Variants in GREM2 observed in about 807,000 individuals in gnomAD.
The protein encoded by GREM2 is gremlin-2.
GREM2 carries 11 observed loss-of-function variants against 14.2 expected under a neutral mutation model. That is an observed-to-expected ratio of 0.78 (90% CI 0.49 to 1.28). The LOEUF (loss-of-function observed/expected upper bound fraction) is 1.28. Ranked by LOEUF, GREM2 falls within the 50% of genes most tolerant of loss-of-function variation. The probability of loss-of-function intolerance (pLI) is 0.00; values close to 1 mark genes in which losing one functional copy is unlikely to be tolerated. For synonymous variants in GREM2, 98 were observed against 97.6 expected, an observed-to-expected ratio of 1.00 and a Z score of -0.02; for missense variants, 210 against 218.5, an observed-to-expected ratio of 0.96 and a Z score of 0.24.
intron 1 of GREM2, among the ~76,000 whole-genome samples, chr1:240,513,489 C>T (rs745937753): frequency 3.3e-5 from 5 of 150,358 alleles, no homozygotes; most frequent in Admixed American, 2.0e-4. Context: ...GCAAGAGAAT[C>T]GCTTTAACCT....
intron 1 of GREM2, among the ~76,000 whole-genome samples, chr1:240,538,539 C>CA (rs199860876): frequency 1.7e-3 from 245 of 145,606 alleles, no homozygotes; most frequent in South Asian, 3.5e-3. Flanking sequence ...TTTGTCTCTC[C>CA]AAAAAAAAAT....
chr1:240,602,235 T>C (rs1679938174), intron 1 of GREM2, among the ~76,000 whole-genome samples: 1 of 152,208 alleles, frequency 6.6e-6, no homozygotes, highest in Non-Finnish European at 1.5e-5. Flanking sequence ...GTTGCTTGTC[T>C]TATCATTAAC....
intron 1 of GREM2, among the ~76,000 whole-genome samples, chr1:240,498,361 T>C (rs113295461): frequency 1.3e-3 from 194 of 152,288 alleles, no homozygotes; most frequent in African/African-American, 4.6e-3. Context: ...ATCTCATTTC[T>C]TTTCTCCTTC....
intron 1 of GREM2, among the ~76,000 whole-genome samples, chr1:240,568,632 G>A (rs1022725451): frequency 6.6e-6 from 1 of 152,068 alleles, no homozygotes; most frequent in Non-Finnish European, 1.5e-5. Context: ...ATGAAAAACA[G>A]TATACCATGC....
chr1:240,586,403 A>G (rs975501309), intron 1 of GREM2, among the ~76,000 whole-genome samples: 1 of 152,204 alleles, frequency 6.6e-6, no homozygotes, highest in Admixed American at 6.5e-5. Flanking sequence ...GAACAAATAG[A>G]TCTTTAGAGA....
intron 1 of GREM2, among the ~76,000 whole-genome samples, chr1:240,514,916 G>A (rs1244043170): frequency 1.3e-5 from 2 of 152,024 alleles, no homozygotes; most frequent in Admixed American, 1.3e-4. Flanking sequence ...ACTCCAGCCT[G>A]GGCTACAGAG....
intron 1 of GREM2, among the ~76,000 whole-genome samples, chr1:240,550,861 A>G (rs1259708497): frequency 6.6e-6 from 1 of 152,236 alleles, no homozygotes; most frequent in Non-Finnish European, 1.5e-5. Context: ...GGACATTGTC[A>G]AACATCCTCA....
rs1300387910 is a variant in GREM2 at position 240,519,306 on chromosome 1, T to C, written c.-1-25830A>G. ...TCCTTGCTAATGTCACTGTTTGAAT[T>C]GATTCTACTATCACAACTTTCTCCT... On this transcript the variant is annotated intron_variant, in intron 1 of 1. Coordinates refer to ENST00000318160, the MANE Select transcript of GREM2 (RefSeq NM_022469.4). Among the ~76,000 whole-genome samples, 3 of 152,300 alleles carry C rather than the reference T, an allele frequency of 2.0e-5. No homozygotes were observed. In the East Asian group the frequency reaches 5.8e-4, roughly 29 times the overall value.
intron 1 of GREM2, among the ~76,000 whole-genome samples, chr1:240,603,097 T>C (rs958090035): frequency 2.0e-5 from 3 of 151,730 alleles, no homozygotes; most frequent in African/African-American, 4.8e-5. Context: ...AAAAATAAAA[T>C]AGAGAGAATT....
At position 240,492,433 on chromosome 1, in the gene GREM2, C is replaced by T. The variant is rs1677276784; in HGVS notation, c.*536G>A. ...TCCACCGACATATTTATGGAGGTTG[C>T]ACATATCCTCATCACAGCAGCGACC... On this transcript the variant is annotated 3_prime_UTR_variant, in exon 2 of 2. Coordinates refer to ENST00000318160, the MANE Select transcript of GREM2 (RefSeq NM_022469.4). 4.1e-6 allele frequency: 1 copy of T among 243,088 alleles called. No individual in the cohort carries two copies. The highest frequency in any genetic ancestry group is 8.7e-6 in the Non-Finnish European group (1 of 114,568). 15.1% of individuals were successfully genotyped at this position (243,088 alleles called of 1,614,324 possible). A position where few individuals can be genotyped will look rare whatever the true frequency, so the allele number is the denominator to read the frequency against.
chr1:240,551,952 T>G (rs188050619), intron 1 of GREM2, among the ~76,000 whole-genome samples: 1 of 152,134 alleles, frequency 6.6e-6, no homozygotes, highest in East Asian at 1.9e-4. Context: ...AATAAGAGGG[T>G]GTATCTAAGA....
chr1:240,606,472 C>T (rs1000035313), intron 1 of GREM2, among the ~76,000 whole-genome samples: 2 of 152,120 alleles, frequency 1.3e-5, no homozygotes, highest in Admixed American at 6.5e-5. Flanking sequence ...TTATAATACC[C>T]AACAAACACC....
chr1:240,514,108 G>A (rs534380174), intron 1 of GREM2, among the ~76,000 whole-genome samples: 65 of 152,086 alleles, frequency 4.3e-4, no homozygotes, highest in Non-Finnish European at 7.9e-4. Flanking sequence ...TTAGCCAGGC[G>A]TGGTGGCATG....
rs77426507 is a variant in GREM2, at chr1:240,529,238, G to C, written c.-1-35762C>G. 1.1e-3 allele frequency among the ~76,000 whole-genome samples: 98 copies of C among 85,946 alleles called. No individual in the cohort carries two copies. In the East Asian group the frequency reaches 0.033, roughly 29 times the overall value. The allele number at this position is 85,946 out of a possible 152,430, so 56.4% of individuals were successfully genotyped here. ...TTGACTCATTTGAACCAGTGGATAG[G>C]CTTTTTTTTTTTTTTTTTTAGCTGC... On this transcript the variant is annotated intron_variant, in intron 1 of 1. Transcript: ENST00000318160.
At chr1:240,594,741 C>T (rs917484746) in intron 1 of GREM2, among the ~76,000 whole-genome samples, 3 of 151,688 alleles carry the variant, frequency 2.0e-5, no homozygotes, top group African/African-American at 7.3e-5. Context: ...TATATATATT[C>T]AGTCATGTGT....
At chr1:240,512,062 AT>A (rs1471246801) in intron 1 of GREM2, among the ~76,000 whole-genome samples, 2 of 152,200 alleles carry the variant, frequency 1.3e-5, no homozygotes, top group Non-Finnish European at 2.9e-5. Flanking sequence ...AACCATTTTA[AT>A]TGTAATTTTT....
chr1:240,586,244 T>C (rs1385969324), intron 1 of GREM2, among the ~76,000 whole-genome samples: 1 of 152,178 alleles, frequency 6.6e-6, no homozygotes, highest in Non-Finnish European at 1.5e-5. Context: ...CAAGAACTAG[T>C]ATGCTATTAA....
At chr1:240,506,548 A>G (rs74149148) in intron 1 of GREM2, among the ~76,000 whole-genome samples, 2,449 of 152,268 alleles carry the variant, frequency 0.016, 76 homozygotes, top group African/African-American at 0.055. Context: ...CAATCAGGAG[A>G]CTTAAAACAT....
chr1:240,563,133 G>A (rs1679102182), intron 1 of GREM2, among the ~76,000 whole-genome samples: 2 of 146,132 alleles, frequency 1.4e-5, no homozygotes, highest in Non-Finnish European at 3.0e-5. Flanking sequence ...GTGTGTATGT[G>A]TATGTGTGTG....
Sources: allele counts gnomAD v4.1 joint callset (sites outside exome capture counted in the v4.1 genomes callset), GRCh38; gene constraint gnomAD v4.1.1; transcripts MANE v1.5; gene names NCBI Gene and HGNC (gene_info 2026-07-23, HGNC 2026-07-21).